Variants in UBE3A observed in about 807,000 individuals in gnomAD.
UBE3A encodes the protein ubiquitin-protein ligase E3A.
In UBE3A, 6 loss-of-function variants were observed where a neutral mutation model predicts 83.4. The observed-to-expected ratio is 0.07, with a 90% confidence interval of 0.04 to 0.14. UBE3A has a LOEUF of 0.14. UBE3A is among the 10% of genes least tolerant of loss of function. The probability of loss-of-function intolerance (pLI) is 1.00; values close to 1 mark genes in which losing one functional copy is unlikely to be tolerated. For synonymous variants in UBE3A, 337 were observed against 355.4 expected (o/e 0.95, Z 0.58); for missense variants, 456 against 1,036.1 (o/e 0.44, Z 7.69).
chr15:25,351,685 G>A (rs1276827326), intron 11 of UBE3A, among the ~76,000 whole-genome samples: 4 of 152,264 alleles, frequency 2.6e-5, no homozygotes, highest in Non-Finnish European at 4.4e-5. Context: ...TTGCCAGGCT[G>A]GTCTCAAACT....
Position 25,367,263 on chromosome 15 carries a change from A to ATGTAAATATTTGCATATT in UBE3A, c.1608+3302_1608+3303insAATATGCAAATATTTACA, listed in dbSNP as rs2079427380. 1.8e-4 allele frequency among the ~76,000 whole-genome samples: 18 copies of ATGTAAATATTTGCATATT among 99,758 alleles called. No homozygotes were observed. The East Asian group carries it at 3.1e-3, about 17-fold the overall frequency. The allele number at this position is 99,758 out of a possible 152,430, so 65.4% of individuals were successfully genotyped here. Reference sequence around the variant, plus strand: ...TGTAAATATTTGCATATTTGTAAATATGTAAATATTTACATATTTAAATTA... The same window carrying ATGTAAATATTTGCATATT: ...TGTAAATATTTGCATATTTGTAAATATGTAAATATTTGCATATTTGTAAATATTTACATATTTAAATTA... On this transcript the variant is annotated intron_variant, in intron 6 of 12. Coordinates refer to ENST00000648336, the MANE Select transcript of UBE3A (RefSeq NM_130839.5).
intron 6 of UBE3A, among the ~76,000 whole-genome samples, chr15:25,362,578 G>A (rs1190496576): frequency 2.0e-5 from 3 of 152,160 alleles, no homozygotes; most frequent in African/African-American, 7.2e-5. Context: ...GTCCCCAAAG[G>A]AACTTGATAT....
intron 1 of UBE3A, among the ~76,000 whole-genome samples, chr15:25,412,662 G>A (rs2090203858): frequency 6.6e-6 from 1 of 151,944 alleles, no homozygotes; most frequent in Admixed American, 6.6e-5. Flanking sequence ...ATTCCTCAAT[G>A]GAACAAAAAT....
chr15:25,408,443 A>G, intron 3 of UBE3A: 1 of 855,276 alleles, frequency 1.2e-6, no homozygotes, highest in Non-Finnish European at 1.9e-6. Context: ...GTGTCAGAAT[A>G]ACAAGTCAGA....
At chr15:25,387,521 C>CA (rs908501301) in intron 4 of UBE3A, among the ~76,000 whole-genome samples, 64 of 140,700 alleles carry the variant, frequency 4.5e-4, no homozygotes, top group East Asian at 3.7e-3. Context: ...GACTCCATCT[C>CA]AAAAAAAAAA....
intron 11 of UBE3A, among the ~76,000 whole-genome samples, chr15:25,344,426 A>G (rs2075344354): frequency 2.6e-5 from 4 of 152,198 alleles, no homozygotes; most frequent in Admixed American, 2.6e-4. Flanking sequence ...TGACTTCTAA[A>G]TGCCATTCTC....
At chr15:25,430,944 A>G (rs1438157940) in intron 1 of UBE3A, among the ~76,000 whole-genome samples, 2 of 152,196 alleles carry the variant, frequency 1.3e-5, no homozygotes, top group South Asian at 4.1e-4. Context: ...ATAAGACCAC[A>G]AGATCTTTTC....
rs199950859 is a variant in UBE3A at position 25,430,027 on chromosome 15, C to CTATATATATATATATATATA, written c.-165+8442_-165+8461dup. ...CTCAGGAGGAAAAACAAAAAAAAAC[C>CTATATATATATATATATATA]TATATATATATATATATATATATTT... On this transcript the variant is annotated intron_variant, in intron 1 of 12. Transcript: ENST00000648336. 1.4e-4 allele frequency among the ~76,000 whole-genome samples: 9 copies of CTATATATATATATATATATA among 66,170 alleles called. 2 individuals are homozygous for CTATATATATATATATATATA. Among genetic ancestry groups the CTATATATATATATATATATA allele is most frequent in the African/African-American group, 7.3e-4 (6 of 8,202 alleles). The allele number at this position is 66,170 out of a possible 152,430, so 43.4% of individuals were successfully genotyped here.
intron 4 of UBE3A, among the ~76,000 whole-genome samples, chr15:25,396,898 A>G (rs533002213): frequency 3.3e-5 from 5 of 152,332 alleles, no homozygotes; most frequent in Admixed American, 1.3e-4. Flanking sequence ...GATGCATTCA[A>G]GGCGTTACTT....
chr15:25,382,248 G>C (rs1281816538), intron 4 of UBE3A, among the ~76,000 whole-genome samples: 1 of 152,016 alleles, frequency 6.6e-6, no homozygotes, highest in African/African-American at 2.4e-5. Flanking sequence ...ATGAACCCGG[G>C]AGGCGGAGCT....
chr15:25,390,487 G>C (rs2084091915), intron 4 of UBE3A, among the ~76,000 whole-genome samples: 1 of 152,124 alleles, frequency 6.6e-6, no homozygotes, highest in Non-Finnish European at 1.5e-5. Context: ...AAAAGACATG[G>C]AAGAAACTTT....
At chr15:25,397,633 T>C (rs989963766) in intron 4 of UBE3A, among the ~76,000 whole-genome samples, 1 of 152,182 alleles carries the variant, frequency 6.6e-6, no homozygotes, top group African/African-American at 2.4e-5. Flanking sequence ...CCACCATTAT[T>C]CTTCTAATTC....
At chr15:25,346,505 C>T (rs1034121630) in intron 11 of UBE3A, 8 of 151,992 alleles carry the variant, frequency 5.3e-5, no homozygotes, top group African/African-American at 1.7e-4. Context: ...ATCTGTCATA[C>T]CAAGAACCAG....
intron 4 of UBE3A, among the ~76,000 whole-genome samples, chr15:25,398,668 T>C (rs954831169): frequency 1.3e-5 from 2 of 150,676 alleles, no homozygotes; most frequent in South Asian, 4.2e-4. Context: ...ATTTTCTTTA[T>C]CCATGAACAC....
chr15:25,359,414 GATGCGTGTGTGTGT>G (rs1295739280), intron 7 of UBE3A, among the ~76,000 whole-genome samples: 1 of 120,068 alleles, frequency 8.3e-6, no homozygotes, highest in Non-Finnish European at 1.7e-5. Context: ...ATAGATAAGG[GATGCGTGTGTGTGT>G]GTGTGTGTGT....
chr15:25,402,980 A>C (rs1486869944), intron 4 of UBE3A, among the ~76,000 whole-genome samples: 2 of 152,184 alleles, frequency 1.3e-5, no homozygotes, highest in African/African-American at 4.8e-5. Context: ...CTGGCATCCC[A>C]ACCTTTCCAA....
chr15:25,365,411 A>C (rs975680892), intron 6 of UBE3A, among the ~76,000 whole-genome samples: 1 of 152,204 alleles, frequency 6.6e-6, no homozygotes, highest in African/African-American at 2.4e-5. Flanking sequence ...TAATCAGATA[A>C]AAGAGACCTC....
At chr15:25,389,872 A>G (rs1196972109) in intron 4 of UBE3A, among the ~76,000 whole-genome samples, 2 of 151,646 alleles carry the variant, frequency 1.3e-5, no homozygotes, top group Non-Finnish European at 1.5e-5. Context: ...TGGGTGACAG[A>G]GCGAGGCTCT....
intron 1 of UBE3A, among the ~76,000 whole-genome samples, chr15:25,424,113 C>T (rs1200984325): frequency 6.6e-6 from 1 of 152,100 alleles, no homozygotes; most frequent in Non-Finnish European, 1.5e-5. Flanking sequence ...CAATAGCTTC[C>T]CATCTCACTT....
Sources: allele counts gnomAD v4.1 joint callset (sites outside exome capture counted in the v4.1 genomes callset), GRCh38; gene constraint gnomAD v4.1.1; transcripts MANE v1.5; gene names NCBI Gene and HGNC (gene_info 2026-07-23, HGNC 2026-07-21).